Variants in MME observed in about 807,000 individuals in gnomAD.
MME encodes neprilysin.
In MME, 98 loss-of-function variants were observed where a neutral mutation model predicts 113.2. The observed-to-expected ratio is 0.87, with a 90% confidence interval of 0.74 to 1.02. The LOEUF (loss-of-function observed/expected upper bound fraction) is 1.02, where lower values mean the gene tolerates loss of function less well. Among genes scored for constraint, MME ranks in the 50% least tolerant of loss-of-function variants. The pLI is 0.00. For synonymous variants in MME, 292 were observed against 300.6 expected (o/e 0.97, Z 0.30); for missense variants, 836 against 896.0 (o/e 0.93, Z 0.86).
intron 3 of MME, among the ~76,000 whole-genome samples, chr3:155,107,213 C>T (rs543893432): frequency 4.6e-5 from 7 of 152,066 alleles, no homozygotes; most frequent in South Asian, 2.1e-4. Context: ...ATTAGCCTGG[C>T]GTGGCAGTGG....
At chr3:155,050,260 G>A (rs1259416554) in intron 1 of MME, among the ~76,000 whole-genome samples, 1 of 152,098 alleles carries the variant, frequency 6.6e-6, no homozygotes, top group South Asian at 2.1e-4. Flanking sequence ...TTGATTCTGT[G>A]TCTTTGCTAT....
chr3:155,077,251 C>T (rs1216928228), upstream of MME, among the ~76,000 whole-genome samples: 1 of 152,134 alleles, frequency 6.6e-6, no homozygotes, highest in Non-Finnish European at 1.5e-5. Context: ...TAAAAAAATT[C>T]ATCAAGCATT....
intron 22 of MME, among the ~76,000 whole-genome samples, chr3:155,177,966 T>C (rs1712720033): frequency 6.6e-6 from 1 of 152,158 alleles, no homozygotes; most frequent in Non-Finnish European, 1.5e-5. Context: ...CCAATGCTCA[T>C]GAGCTCCAGA....
upstream of MME, among the ~76,000 whole-genome samples, chr3:155,077,895 C>CT (rs1184623934): frequency 8.6e-5 from 13 of 151,410 alleles, no homozygotes; most frequent in South Asian, 4.2e-4. Flanking sequence ...TAAGTAAATC[C>CT]TTTTTTTTCC....
In MME at chr3:155,138,200, G is replaced by A. The variant is rs758126893; in HGVS notation, c.819G>A (p.Met273Ile). 2.5e-6 allele frequency: 4 copies of A among 1,613,450 alleles called. No homozygotes were observed. The South Asian group carries it at 4.4e-5, about 18-fold the overall frequency. Residue 273 changes from methionine (M) to isoleucine (I), a missense_variant, in exon 9 of 23, where the codon ATG becomes ATA. Coordinates refer to ENST00000360490, the MANE Select transcript of MME (RefSeq NM_007289.4). ...PIDENQLALE[M>I]NKVMELEKEI... ...ATGAAAACCAGCTTGCTTTGGAAAT[G>A]AATAAAGTTATGGAATTGGAAAAAG...
At chr3:155,113,603 T>C (rs1718362860) in intron 3 of MME, among the ~76,000 whole-genome samples, 1 of 152,116 alleles carries the variant, frequency 6.6e-6, no homozygotes, top group African/African-American at 2.4e-5. Flanking sequence ...TTCAGCAAGG[T>C]TGTGGCCAGT....
intron 8 of MME, among the ~76,000 whole-genome samples, chr3:155,126,922 G>A (rs773521872): frequency 5.3e-5 from 8 of 150,700 alleles, no homozygotes; most frequent in Non-Finnish European, 8.8e-5. Flanking sequence ...CAGGAGAATC[G>A]CTTGAACCCA....
At chr3:155,142,406 C>A in intron 12 of MME, 76 bp downstream of exon 12, 1 of 1,197,782 alleles carries the variant, frequency 8.3e-7, no homozygotes, top group Admixed American at 1.8e-5. Flanking sequence ...ACCATGTACA[C>A]TGCTAGGACA....
chr3:155,041,899 A>G (rs1318220782), intron 1 of MME, among the ~76,000 whole-genome samples: 1 of 152,186 alleles, frequency 6.6e-6, no homozygotes, highest in Non-Finnish European at 1.5e-5. Flanking sequence ...GAGACAGAAA[A>G]GGAGATTGTC....
chr3:155,052,777 A>T (rs143770828), intron 1 of MME, among the ~76,000 whole-genome samples: 1 of 152,204 alleles, frequency 6.6e-6, no homozygotes, highest in Non-Finnish European at 1.5e-5. Context: ...CTCATTACTT[A>T]TGCAAATTAC....
At chr3:155,172,299 T>G (rs548742466) in intron 21 of MME, 87 bp downstream of exon 21, 23 of 951,228 alleles carry the variant, frequency 2.4e-5, no homozygotes, top group Non-Finnish European at 3.6e-5. Flanking sequence ...CTGAGTTCCC[T>G]TGTTTTACAG....
chr3:155,051,965 A>C (rs1033161591), intron 1 of MME, among the ~76,000 whole-genome samples: 4 of 152,226 alleles, frequency 2.6e-5, no homozygotes, highest in African/African-American at 9.6e-5. Context: ...GGCATTGGAT[A>C]AATACACCTG....
At chr3:155,153,769 T>C (rs900826277) in intron 16 of MME, among the ~76,000 whole-genome samples, 2 of 152,176 alleles carry the variant, frequency 1.3e-5, no homozygotes, top group Non-Finnish European at 2.9e-5. Flanking sequence ...AATGAAAGCA[T>C]ACTGACATTG....
chr3:155,084,333 T>A lies in MME; in HGVS notation c.160+6T>A. On this transcript the variant is annotated splice_donor_region_variant and intron_variant, in intron 2 of 22. Transcript: ENST00000360490. ...ACTCTATGCAACCTACGATGGTGAG[T>A]TACTCCCACACCTGTGCATCCATAA... 6.2e-7 allele frequency: 1 copy of A among 1,613,950 alleles called. No homozygotes were observed. Among genetic ancestry groups the A allele is most frequent in the Non-Finnish European group, 8.5e-7 (1 of 1,179,884 alleles).
intron 1 of MME, among the ~76,000 whole-genome samples, chr3:155,029,675 T>C (rs979037654): frequency 9.9e-5 from 15 of 152,104 alleles, no homozygotes; most frequent in African/African-American, 3.6e-4. Flanking sequence ...ATGTATGAAT[T>C]ATATTTAATA....
At position 155,116,937 on chromosome 3, in the gene MME, ATTTG is replaced by A. The variant is rs764731848; in HGVS notation, c.612_615del (p.Phe204LeufsTer9). 2 of 1,611,650 alleles carry A rather than the reference ATTTG, an allele frequency of 1.2e-6. No individual in the cohort carries two copies. Among genetic ancestry groups the A allele is most frequent in the East Asian group, 2.2e-5 (1 of 44,776 alleles). ...AAATATGGGAAAAAAGTCCTTATTA[ATTTG>A]TTTGTTGGCACTGATGATAAGAATT... On this transcript the variant is annotated frameshift_variant, in exon 7 of 23. Coordinates refer to ENST00000360490, the MANE Select transcript of MME (RefSeq NM_007289.4). LOFTEE classifies it high-confidence loss of function.
At chr3:155,081,483 C>T (rs912926031) in intron 1 of MME, 2 of 152,152 alleles carry the variant, frequency 1.3e-5, no homozygotes, top group African/African-American at 2.4e-5. Context: ...TCTCTATTCT[C>T]GTCTGTGGCA....
intron 3 of MME, among the ~76,000 whole-genome samples, chr3:155,104,629 A>G (rs924955976): frequency 6.6e-6 from 1 of 152,184 alleles, no homozygotes; most frequent in African/African-American, 2.4e-5. Flanking sequence ...ATATGATCCA[A>G]AATAACACAA....
At chr3:155,099,451 G>A (rs567632181) in intron 3 of MME, among the ~76,000 whole-genome samples, 1 of 152,260 alleles carries the variant, frequency 6.6e-6, no homozygotes, top group East Asian at 1.9e-4. Context: ...TCACCGTGAA[G>A]CTAATGAAAA....
Sources: allele counts gnomAD v4.1 joint callset (sites outside exome capture counted in the v4.1 genomes callset), GRCh38; gene constraint gnomAD v4.1.1; transcripts MANE v1.5; gene names NCBI Gene and HGNC (gene_info 2026-07-23, HGNC 2026-07-21).